ACMSD: variants seen among roughly 807,000 people sequenced by gnomAD.
ACMSD encodes the protein 2-amino-3-carboxymuconate-6-semialdehyde decarboxylase.
ACMSD carries 37 observed loss-of-function variants against 45.9 expected under a neutral mutation model. The observed-to-expected ratio is 0.81, with a 90% CI of 0.62 to 1.06. ACMSD has a LOEUF of 1.06. Among genes scored for constraint, ACMSD ranks in the 50% least tolerant of loss-of-function variants. ACMSD has a pLI of 0.00. For synonymous variants in ACMSD, 138 were observed against 148.8 expected (o/e 0.93, Z 0.53); for missense variants, 434 against 420.9 (o/e 1.03, Z -0.27).
intron 2 of ACMSD, among the ~76,000 whole-genome samples, chr2:134,855,462 T>C (rs1687538102): frequency 6.6e-6 from 1 of 152,218 alleles, no homozygotes; most frequent in South Asian, 2.1e-4. Flanking sequence ...AACCAAGCAT[T>C]GATTGGCCAA....
chr2:134,898,486 C>T, intron 9 of ACMSD, 47 bp downstream of exon 9: 1 of 1,396,470 alleles, frequency 7.2e-7, no homozygotes, highest in Non-Finnish European at 9.7e-7. Context: ...TTTTCCTGCT[C>T]TAATTGGGTT....
chr2:134,854,510 C>T (rs1405213544), intron 2 of ACMSD, among the ~76,000 whole-genome samples: 1 of 152,154 alleles, frequency 6.6e-6, no homozygotes, highest in Non-Finnish European at 1.5e-5. Context: ...AGAAGCTTTG[C>T]CTCTGCTGCT....
intron 8 of ACMSD, among the ~76,000 whole-genome samples, chr2:134,885,291 T>TTATATATAA (rs1553515542): frequency 1.0e-4 from 4 of 38,472 alleles, no homozygotes; most frequent in Non-Finnish European, 1.6e-4. Flanking sequence ...TATATTATAT[T>TTATATATAA]TATATATATA....
chr2:134,880,484 C>T (rs544302559), intron 8 of ACMSD, among the ~76,000 whole-genome samples: 1 of 152,210 alleles, frequency 6.6e-6, no homozygotes, highest in South Asian at 2.1e-4. Context: ...CATACCACCT[C>T]TTTGAACTTT....
At chr2:134,885,284 A>AT (rs1435749148) in intron 8 of ACMSD, among the ~76,000 whole-genome samples, 4 of 48,830 alleles carry the variant, frequency 8.2e-5, no homozygotes, top group African/African-American at 4.9e-4. Context: ...TATATTATAT[A>AT]TTATATTTAT....
chr2:134,888,735 G>C lies in ACMSD; in HGVS notation c.850-9606G>C, dbSNP rs1057228712. ...ACAAAAGGCTGAATGAATGAAGCTGGATCCCAGAGAGTGTATACTGTATGA... is the reference window on the plus strand; with the variant it reads ...ACAAAAGGCTGAATGAATGAAGCTGCATCCCAGAGAGTGTATACTGTATGA... On this transcript the variant is annotated intron_variant, in intron 8 of 9. Transcript: ENST00000356140. 9.2e-5 allele frequency among the ~76,000 whole-genome samples: 14 copies of C among 152,134 alleles called. 1 individual carries two copies. The highest frequency in any genetic ancestry group is 3.4e-4 in the African/African-American group (14 of 41,416).
In ACMSD at chr2:134,898,333, T is replaced by G. The variant is rs558067900; in HGVS notation, c.850-8T>G. The G allele has an allele frequency of 3.2e-6, 5 of 1,562,790 alleles. No homozygotes were observed. Among genetic ancestry groups the G allele is most frequent in the East Asian group, 2.3e-5 (1 of 43,484 alleles). On this transcript the variant is annotated splice_region_variant and splice_polypyrimidine_tract_variant and intron_variant, in intron 8 of 9. Transcript: ENST00000356140. ...AAACAACAGAGAAATATATATTTTGTTTTTTAGGATAAAGTCATTTTGGGA... is the reference window on the plus strand; with the variant it reads ...AAACAACAGAGAAATATATATTTTGGTTTTTAGGATAAAGTCATTTTGGGA...
intron 2 of ACMSD, among the ~76,000 whole-genome samples, chr2:134,846,799 G>C (rs1687073241): frequency 6.6e-6 from 1 of 152,188 alleles, no homozygotes; most frequent in African/African-American, 2.4e-5. Flanking sequence ...GAACAAGATA[G>C]ACATAGTCCC....
intron 8 of ACMSD, among the ~76,000 whole-genome samples, chr2:134,888,378 G>C (rs1287171560): frequency 6.6e-6 from 1 of 152,132 alleles, no homozygotes; most frequent in East Asian, 1.9e-4. Context: ...ACTCAACTAT[G>C]AGCAAGGATG....
At chr2:134,848,242 G>C (rs921680395) in intron 2 of ACMSD, among the ~76,000 whole-genome samples, 11 of 152,170 alleles carry the variant, frequency 7.2e-5, no homozygotes, top group Admixed American at 1.3e-4. Flanking sequence ...GTAAACATAC[G>C]TGTGCATGTG....
At position 134,867,670 on chromosome 2, in the gene ACMSD, T is replaced by A. The variant is rs769035826; in HGVS notation, c.578T>A (p.Val193Glu). 1 of 1,613,186 alleles carries A rather than the reference T, an allele frequency of 6.2e-7. No individual in the cohort carries two copies. Among genetic ancestry groups the A allele is most frequent in the Non-Finnish European group, 8.5e-7 (1 of 1,179,552 alleles). The stretch of plus-strand genomic sequence containing the variant: ...GCCAAATACTGGCTCCCTTGGCTTG[T>A]AGGTTTGTGTCTGTGTGGGGTCTGG... ...RMAKYWLPWL[V>E]GMPAETTIAI... is the part of the protein sequence containing the mutation. The change falls in exon 6 of 10, where the codon GTA becomes GAA. Residue 193 changes from valine (V) to glutamate (E), a missense_variant and splice_region_variant. Physicochemically the swap from Val to Glu is moderately radical, Grantham distance 121. Transcript: ENST00000356140.
At chr2:134,881,859 T>C (rs1689058678) in intron 8 of ACMSD, among the ~76,000 whole-genome samples, 1 of 152,082 alleles carries the variant, frequency 6.6e-6, no homozygotes, top group Non-Finnish European at 1.5e-5. Flanking sequence ...GGATTACGCC[T>C]GTAATCCCAG....
chr2:134,838,709 T>C lies in ACMSD; in HGVS notation c.27T>C (p.Ile9=). Residue 9 remains isoleucine, a synonymous_variant, in exon 1 of 10, where the codon ATT becomes ATC. Coordinates refer to ENST00000356140, the MANE Select transcript of ACMSD (RefSeq NM_138326.3). ...TGAAAATTGACATCCATAGTCATAT[T>C]CTACCAAAAGAATGGCCAGATCTAA... MKIDIHSH[I]LPKEWPDLKK... is the part of the protein sequence containing the mutation. 2 of 1,612,544 alleles carry C rather than the reference T, an allele frequency of 1.2e-6. No individual in the cohort carries two copies. The highest frequency in any genetic ancestry group is 8.5e-7 in the Non-Finnish European group (1 of 1,178,938).
intron 3 of ACMSD, chr2:134,859,799 G>C (rs1687762712): frequency 6.6e-6 from 1 of 152,160 alleles, no homozygotes; most frequent in Non-Finnish European, 1.5e-5. Context: ...GACACATCAG[G>C]GTTGGAAATG....
At chr2:134,898,237 T>A in intron 8 of ACMSD, 104 bp from the exon 9 acceptor site, 2 of 605,192 alleles carry the variant, frequency 3.3e-6, no homozygotes, top group Non-Finnish European at 5.3e-6. Context: ...GGAAAAAATG[T>A]GTTATTTTTA....
intron 1 of ACMSD, 129 bp from the exon 2 acceptor site, chr2:134,845,104 C>G (rs1179484629): frequency 2.5e-5 from 21 of 856,692 alleles, no homozygotes; most frequent in Non-Finnish European, 4.0e-5. Flanking sequence ...ATAGGCGATA[C>G]ATGGGTATGG....
intron 5 of ACMSD, 26 bp downstream of exon 5, chr2:134,863,657 C>T (rs566210012): frequency 3.1e-5 from 50 of 1,610,362 alleles, no homozygotes; most frequent in East Asian, 6.7e-5. Flanking sequence ...GCTCAGCCAA[C>T]GCCAGCCGCC....
rs1559039356 is a variant in ACMSD, at chr2:134,847,451, T to TAG, written c.102+2176_102+2177dup. ...AGATAGATAGATAGATAGATAGATATAGATAGAGATAGAGATAGATATATA... is the reference window on the plus strand; with the variant it reads ...AGATAGATAGATAGATAGATAGATATAGAGATAGAGATAGAGATAGATATATA... On this transcript the variant is annotated intron_variant, in intron 2 of 9. Transcript: ENST00000356140. Among the ~76,000 whole-genome samples, 43 of 143,982 alleles carry TAG rather than the reference T, an allele frequency of 3.0e-4. No homozygotes were observed. The East Asian group carries it at 3.3e-3, about 11-fold the overall frequency. 94.5% of individuals were successfully genotyped at this position (143,982 alleles called of 152,430 possible). A position where few individuals can be genotyped will look rare whatever the true frequency, so the allele number is the denominator to read the frequency against.
At chr2:134,896,082 T>C (rs1690132086) in intron 8 of ACMSD, among the ~76,000 whole-genome samples, 1 of 152,182 alleles carries the variant, frequency 6.6e-6, no homozygotes, top group African/African-American at 2.4e-5. Context: ...GATAGTGAGA[T>C]AAGAGTAGAT....
Sources: gnomAD v4.1 joint callset for allele counts (sites outside exome capture counted in the v4.1 genomes callset) on GRCh38, gnomAD v4.1.1 for gene constraint, MANE v1.5 for transcripts, NCBI Gene and HGNC (gene_info 2026-07-23, HGNC 2026-07-21) for gene names.